Variants in NPAS2 observed in about 807,000 individuals in gnomAD.
NPAS2 encodes the protein neuronal PAS domain protein 2.
NPAS2 carries 23 observed loss-of-function variants against 107.5 expected under a neutral mutation model. The observed-to-expected ratio is 0.21, with a 90% CI of 0.15 to 0.30. The LOEUF is 0.30. NPAS2 is among the 10% of genes least tolerant of loss of function. NPAS2 has a pLI of 1.00. For synonymous variants in NPAS2, 403 were observed against 417.5 expected (o/e 0.97, Z 0.42); for missense variants, 756 against 1,043.3 (o/e 0.72, Z 3.79).
At chr2:100,902,419 A>G (rs1275664142) in intron 1 of NPAS2, among the ~76,000 whole-genome samples, 3 of 152,224 alleles carry the variant, frequency 2.0e-5, no homozygotes, top group Non-Finnish European at 4.4e-5. Context: ...TGACCCATGC[A>G]GCAACATGGA....
intron 15 of NPAS2, among the ~76,000 whole-genome samples, chr2:100,980,893 A>G (rs1000603836): frequency 1.3e-5 from 2 of 152,170 alleles, no homozygotes; most frequent in Non-Finnish European, 2.9e-5. Context: ...GGCCTTGCTC[A>G]GCTCCTAAGA....
chr2:100,853,443 G>A (rs1426890281), intron 1 of NPAS2, among the ~76,000 whole-genome samples: 1 of 152,164 alleles, frequency 6.6e-6, no homozygotes, highest in Non-Finnish European at 1.5e-5. Flanking sequence ...TGTTTCCTGG[G>A]TGAACATAGT....
chr2:100,968,193 T>G lies in NPAS2; in HGVS notation c.908-88T>G. On this transcript the variant is annotated intron_variant, in intron 10 of 20. Coordinates refer to ENST00000335681, the MANE Select transcript of NPAS2 (RefSeq NM_002518.4). This position sits in a 1 kb window ranked among gnomAD's most constrained non-coding sequence, Gnocchi z 5.3. ...CCATGTTTGGTATTGTCTTTTTTTTTGAAAGCTTATCTTTACAATAACTCT... is the reference window on the plus strand; with the variant it reads ...CCATGTTTGGTATTGTCTTTTTTTTGGAAAGCTTATCTTTACAATAACTCT... 1.4e-6 allele frequency: 2 copies of G among 1,422,454 alleles called. No individual in the cohort carries two copies. Among genetic ancestry groups the G allele is most frequent in the South Asian group, 2.6e-5 (2 of 78,102 alleles). 88.1% of individuals were successfully genotyped at this position (1,422,454 alleles called of 1,614,324 possible).
chr2:100,951,695 G>A (rs13403340), intron 7 of NPAS2, among the ~76,000 whole-genome samples: 9,782 of 152,150 alleles, frequency 0.064, 368 homozygotes, highest in South Asian at 0.1. Flanking sequence ...AATGGGAGTT[G>A]CTAAATGGGG....
chr2:100,951,334 G>A (rs143295270), intron 7 of NPAS2, among the ~76,000 whole-genome samples: 2,558 of 152,274 alleles, frequency 0.017, 29 homozygotes, highest in Non-Finnish European at 0.026. Flanking sequence ...CTACTTATGG[G>A]TATGCACGCA....
chr2:100,981,535 TC>T (rs1220217410), intron 15 of NPAS2, among the ~76,000 whole-genome samples: 2 of 151,876 alleles, frequency 1.3e-5, no homozygotes, highest in Non-Finnish European at 2.9e-5. Context: ...GGATTAAGGG[TC>T]CAAAGGAAGG....
At chr2:100,879,284 A>C (rs1680185026) in intron 1 of NPAS2, among the ~76,000 whole-genome samples, 1 of 152,200 alleles carries the variant, frequency 6.6e-6, no homozygotes, top group African/African-American at 2.4e-5. Context: ...TATAGACAGG[A>C]AACGGGTTAC....
intron 2 of NPAS2, among the ~76,000 whole-genome samples, chr2:100,922,585 A>C (rs777285798): frequency 9.9e-5 from 15 of 152,170 alleles, no homozygotes; most frequent in Non-Finnish European, 1.8e-4. Context: ...CTCTGTCTCA[A>C]AAACAAAAAC....
Position 100,948,300 on chromosome 2 carries a change from A to C in NPAS2, c.429A>C (p.Lys143Asn), listed in dbSNP as rs766883992. The C allele has an allele frequency of 1.1e-5, 18 of 1,613,112 alleles. No individual in the cohort carries two copies. Among genetic ancestry groups the C allele is most frequent in the Non-Finnish European group, 1.5e-5 (18 of 1,179,706 alleles). The stretch of plus-strand genomic sequence containing the variant: ...AACAAGAACATTCAGAAGTTTATAA[A>C]ATCCTTTCTTCCCATATGCTTGTGA... ...LPEQEHSEVYKILSSHMLVTD... is the reference protein window; with the variant it reads ...LPEQEHSEVYNILSSHMLVTD... Residue 143 changes from lysine (K) to asparagine (N), a missense_variant, in exon 6 of 21, where the codon AAA becomes AAC. Physicochemically the swap from Lys to Asn is moderately conservative, Grantham distance 94 (BLOSUM62 0). This residue lies in a region of NPAS2 where 146 missense variants were observed against 249.6 expected (regional missense o/e 0.58). Coordinates refer to ENST00000335681, the MANE Select transcript of NPAS2 (RefSeq NM_002518.4).
At chr2:100,830,598 T>G (rs940331301) in intron 1 of NPAS2, among the ~76,000 whole-genome samples, 2 of 152,088 alleles carry the variant, frequency 1.3e-5, no homozygotes, top group Non-Finnish European at 2.9e-5. Context: ...TTGGATAGTT[T>G]GCTCAGAATG....
At chr2:100,966,514 T>G (rs944391025) in intron 10 of NPAS2, among the ~76,000 whole-genome samples, 3 of 152,108 alleles carry the variant, frequency 2.0e-5, no homozygotes, top group African/African-American at 7.2e-5. Flanking sequence ...ACTGACCTAT[T>G]GATCCTAATG....
At chr2:100,843,021 C>G (rs529442510) in intron 1 of NPAS2, among the ~76,000 whole-genome samples, 3 of 151,958 alleles carry the variant, frequency 2.0e-5, no homozygotes, top group Non-Finnish European at 4.4e-5. Context: ...GAGATTGAGA[C>G]CATCCTGGCC....
chr2:100,963,390 GTTTGTTTTGT>G lies in NPAS2; in HGVS notation c.599-645_599-636del, dbSNP rs552393797. Among the ~76,000 whole-genome samples, 68 of 149,116 alleles carry G rather than the reference GTTTGTTTTGT, an allele frequency of 4.6e-4. No individual in the cohort carries two copies. In the East Asian group the frequency reaches 6.4e-3, roughly 14 times the overall value. On this transcript the variant is annotated intron_variant, in intron 7 of 20. Coordinates refer to ENST00000335681, the MANE Select transcript of NPAS2 (RefSeq NM_002518.4). The stretch of plus-strand genomic sequence containing the variant: ...AATGAGGCTGTCTTCTCTTTTTTTT[GTTTGTTTTGT>G]TTTGTTTTGTTTTGTTTTGTTTGGA...
Position 100,897,500 on chromosome 2 carries a change from C to T in NPAS2, c.-22-7233C>T, listed in dbSNP as rs571487282. Among the ~76,000 whole-genome samples, 8 of 152,274 alleles carry T rather than the reference C, an allele frequency of 5.3e-5. No homozygotes were observed. In the South Asian group the frequency reaches 1.7e-3, roughly 32 times the overall value. ...CCACAATGCCCCTCTGCCCCTGGCT[C>T]CACCTCCCCCTCACCAAAGCAATCA... On this transcript the variant is annotated intron_variant, in intron 1 of 20. Coordinates refer to ENST00000335681, the MANE Select transcript of NPAS2 (RefSeq NM_002518.4).
intron 2 of NPAS2, among the ~76,000 whole-genome samples, chr2:100,922,990 A>T (rs1683332947): frequency 6.6e-6 from 1 of 152,148 alleles, no homozygotes; most frequent in Admixed American, 6.5e-5. Flanking sequence ...TTTTTTGGCT[A>T]AGGAGGTTGC....
chr2:100,889,980 T>C (rs1680946521), intron 1 of NPAS2, among the ~76,000 whole-genome samples: 1 of 152,132 alleles, frequency 6.6e-6, no homozygotes. Context: ...GAGGGATATG[T>C]AGAGCAACTA....
intron 1 of NPAS2, among the ~76,000 whole-genome samples, chr2:100,888,574 A>G (rs1482061423): frequency 1.3e-5 from 2 of 152,160 alleles, no homozygotes; most frequent in African/African-American, 4.8e-5. Context: ...TTCTTTGCTG[A>G]AATATTGCTA....
At chr2:100,920,380 T>G (rs1358742609) in intron 2 of NPAS2, among the ~76,000 whole-genome samples, 1 of 152,184 alleles carries the variant, frequency 6.6e-6, no homozygotes, top group Non-Finnish European at 1.5e-5. Context: ...TGTATATATA[T>G]ATATCAAAAC....
Position 100,976,921 on chromosome 2 carries a change from C to T in NPAS2, c.1393-789C>T, listed in dbSNP as rs1206890763. 1 of 152,082 alleles carries T rather than the reference C, an allele frequency of 6.6e-6. No homozygotes were observed. Among genetic ancestry groups the T allele is most frequent in the Non-Finnish European group, 1.5e-5 (1 of 68,036 alleles). 9.4% of individuals were successfully genotyped at this position (152,082 alleles called of 1,614,324 possible). On this transcript the variant is annotated intron_variant, in intron 14 of 20. Coordinates refer to ENST00000335681, the MANE Select transcript of NPAS2 (RefSeq NM_002518.4). The surrounding 1 kb of genome is among the most constrained non-coding windows in gnomAD (Gnocchi z 4.1). ...TCACTGAAACAAGGTCTCCTGGTGT[C>T]ATTTCCTCCCAATGCTGTCCTGGGT... is the stretch of plus-strand genomic sequence containing the variant.
Sources: allele counts gnomAD v4.1 joint callset (sites outside exome capture counted in the v4.1 genomes callset), GRCh38; gene constraint gnomAD v4.1.1; regional missense constraint gnomAD v4.1.1; non-coding constraint Gnocchi (gnomAD v3.1); transcripts MANE v1.5; gene names NCBI Gene and HGNC (gene_info 2026-07-23, HGNC 2026-07-21).